Variants in MASP1 observed in about 807,000 individuals in gnomAD.
MASP1 encodes MBL associated serine protease 1.
In MASP1, 59 loss-of-function variants were observed where a neutral mutation model predicts 77.1. That is an observed-to-expected ratio of 0.77 (90% CI 0.62 to 0.95). The LOEUF (loss-of-function observed/expected upper bound fraction) is 0.95, where lower values mean the gene tolerates loss of function less well. Among genes scored for constraint, MASP1 ranks in the 40% least tolerant of loss-of-function variants. MASP1 has a pLI of 0.00. For synonymous variants in MASP1, 362 were observed against 354.5 expected (o/e 1.02, Z -0.24); for missense variants, 885 against 912.9 (o/e 0.97, Z 0.39).
chr3:187,227,337 T>C (rs888596492), intron 11 of MASP1, among the ~76,000 whole-genome samples: 1 of 152,202 alleles, frequency 6.6e-6, no homozygotes, highest in African/African-American at 2.4e-5. Context: ...GGGCTCCTGA[T>C]AGTCAGCTTA....
exon 16 of MASP1, chr3:187,218,959 C>T (rs372277345): frequency 6.6e-6 from 1 of 152,250 alleles, no homozygotes; most frequent in African/African-American, 2.4e-5. Context: ...GGGGTACAAA[C>T]TACCAGGGCC....
intron 8 of MASP1, 49 bp downstream of exon 8, chr3:187,250,202 A>G (rs771714082): frequency 1.4e-6 from 2 of 1,467,416 alleles, no homozygotes; most frequent in East Asian, 4.5e-5. Context: ...GGATCCCGCC[A>G]GTGCTGGGGA....
chr3:187,252,890 A>T (rs1316252906), intron 6 of MASP1, among the ~76,000 whole-genome samples: 3 of 152,220 alleles, frequency 2.0e-5, no homozygotes, highest in Non-Finnish European at 2.9e-5. Flanking sequence ...AGTTCAGGAA[A>T]CAAGATTTCT....
At position 187,285,882 on chromosome 3, in the gene MASP1, A is replaced by C. The variant is rs1285175494; in HGVS notation, c.180T>G (p.Leu60=). 1 of 1,614,082 alleles carries C rather than the reference A, an allele frequency of 6.2e-7. No individual in the cohort carries two copies. The highest frequency in any genetic ancestry group is 8.5e-7 in the Non-Finnish European group (1 of 1,180,032). The change falls in exon 2 of 11, where the codon CTT becomes CTG. Residue 60 remains leucine, a synonymous_variant. Transcript: ENST00000296280. ...ITVPDGFRIK[L]YFMHFNLESS... ...ATTCCAAGTTGAAGTGCATGAAGTA[A>C]AGCTTGATCCGAAACCCATCTGGGA...
At chr3:187,246,876 G>A in intron 8 of MASP1, 2 of 1,023,542 alleles carry the variant, frequency 2.0e-6, no homozygotes, top group South Asian at 3.8e-5. Flanking sequence ...TGGTGGTTAA[G>A]AAAGCAGCAA....
intron 3 of MASP1, 30 bp from the exon 4 acceptor site, chr3:187,260,902 T>C: frequency 6.2e-7 from 1 of 1,613,782 alleles, no homozygotes; most frequent in South Asian, 1.1e-5. Context: ...TCTCCATCAA[T>C]ACATGCATGA....
At chr3:187,260,645 G>GTTCCTA in intron 4 of MASP1, 96 bp downstream of exon 4, 1 of 1,540,388 alleles carries the variant, frequency 6.5e-7, no homozygotes, top group Non-Finnish European at 9.0e-7. Flanking sequence ...ATTTTTACTT[G>GTTCCTA]TTCCTATTGC....
Position 187,251,878 on chromosome 3 carries a change from A to T in MASP1, c.893-126T>A. 5 of 773,396 alleles carry T rather than the reference A, an allele frequency of 6.5e-6. No homozygotes were observed. In the South Asian group the frequency reaches 7.2e-5, roughly 11 times the overall value. The allele number at this position is 773,396 out of a possible 1,614,324, so 47.9% of individuals were successfully genotyped here. On this transcript the variant is annotated intron_variant, in intron 6 of 10. Transcript: ENST00000296280. ...ATGGAACTGGGTATTGGAGGCATGG[A>T]TCTTCCAAGCCCTGCAAGAGACTAA...
intron 8 of MASP1, 35 bp downstream of exon 8, chr3:187,250,216 C>T: frequency 6.4e-7 from 1 of 1,555,282 alleles, no homozygotes; most frequent in Non-Finnish European, 8.9e-7. Context: ...CTGGGGAGCT[C>T]AGTATCTTTA....
intron 2 of MASP1, among the ~76,000 whole-genome samples, chr3:187,275,299 C>A (rs1477990776): frequency 1.3e-5 from 2 of 152,122 alleles, no homozygotes; most frequent in Non-Finnish European, 2.9e-5. Context: ...CCGCCTTGGG[C>A]CAGTGTCTTC....
intron 10 of MASP1, 57 bp from the exon 11 acceptor site, chr3:187,236,624 G>A (rs1200118544): frequency 1.9e-6 from 3 of 1,612,424 alleles, no homozygotes; most frequent in Non-Finnish European, 2.5e-6. Context: ...GGTCAGCCAT[G>A]TGACAGGAGC....
At chr3:187,221,084 C>T (rs141511210) in exon 15 of MASP1, 204 of 1,613,994 alleles carry the variant, frequency 1.3e-4, no homozygotes, top group African/African-American at 1.7e-4. Flanking sequence ...TCTTCTTCAG[C>T]GGGGCATAAG....
At chr3:187,219,897 T>A (rs1486198763) in exon 16 of MASP1, 1 of 683,986 alleles carries the variant, frequency 1.5e-6, no homozygotes, top group African/African-American at 1.8e-5. Flanking sequence ...TCTTGCTCCA[T>A]CTCTTTAAAG....
intron 13 of MASP1, among the ~76,000 whole-genome samples, chr3:187,223,857 A>G (rs753411270): frequency 6.6e-6 from 1 of 152,214 alleles, no homozygotes; most frequent in African/African-American, 2.4e-5. Context: ...ATATCCCTAG[A>G]TCTGCTTCAT....
At chr3:187,221,332 TCTTGGCTGTGAAGAC>T (rs1458876087) in intron 14 of MASP1, among the ~76,000 whole-genome samples, 16 of 152,182 alleles carry the variant, frequency 1.1e-4, no homozygotes, top group Non-Finnish European at 2.4e-4. Flanking sequence ...TCTAGGGCAG[TCTTGGCTGTGAAGAC>T]CTTGGCTGTG....
chr3:187,278,889 T>C (rs1432789953), intron 2 of MASP1, among the ~76,000 whole-genome samples: 1 of 152,158 alleles, frequency 6.6e-6, no homozygotes, highest in Admixed American at 6.5e-5. Flanking sequence ...TTATTTTGAC[T>C]TTACTAGTCC....
At chr3:187,270,050 T>C (rs1443615192) in intron 2 of MASP1, among the ~76,000 whole-genome samples, 1 of 152,250 alleles carries the variant, frequency 6.6e-6, no homozygotes, top group South Asian at 2.1e-4. Context: ...TTGCAAAAAT[T>C]ATTCACAATA....
intron 2 of MASP1, among the ~76,000 whole-genome samples, chr3:187,271,834 G>A (rs1171199910): frequency 6.6e-6 from 1 of 152,112 alleles, no homozygotes; most frequent in Non-Finnish European, 1.5e-5. Flanking sequence ...CTCCCCCCTT[G>A]TCTTCCCTTC....
chr3:187,235,473 G>T lies in MASP1; in HGVS notation c.*211C>A. On this transcript the variant is annotated 3_prime_UTR_variant, in exon 11 of 11. Coordinates refer to ENST00000296280, the MANE Select transcript of MASP1 (RefSeq NM_139125.4). ...AGGCCCAGACAGGGAAAGAGACTTG[G>T]ACAAGCTCAGGAACACAGGTCTCCT... is the stretch of plus-strand genomic sequence containing the variant. The T allele has an allele frequency of 1.3e-6, 2 of 1,521,460 alleles. No homozygotes were observed. The highest frequency in any genetic ancestry group is 1.8e-6 in the Non-Finnish European group (2 of 1,139,112). The allele number at this position is 1,521,460 out of a possible 1,614,324, so 94.2% of individuals were successfully genotyped here. A position where few individuals can be genotyped will look rare whatever the true frequency, so the allele number is the denominator to read the frequency against.
Sources: gnomAD v4.1 joint callset for allele counts (sites outside exome capture counted in the v4.1 genomes callset) on GRCh38, gnomAD v4.1.1 for gene constraint, MANE v1.5 for transcripts, NCBI Gene and HGNC (gene_info 2026-07-23, HGNC 2026-07-21) for gene names.